The following GALNT1 variants were observed in gnomAD, a reference collection of about 807,000 sequenced individuals.
GALNT1 encodes GalNAc transferase 1.
In GALNT1, 17 loss-of-function variants were observed where a neutral mutation model predicts 65.7. That is an observed-to-expected ratio of 0.26 (90% CI 0.18 to 0.39). The LOEUF is 0.39. Ranked by LOEUF, GALNT1 falls within the 10% of genes least tolerant of loss-of-function variation. The pLI is 1.00. For synonymous variants in GALNT1, 210 were observed against 219.7 expected, an observed-to-expected ratio of 0.96 and a Z score of 0.39; for missense variants, 460 against 672.8, an observed-to-expected ratio of 0.68 and a Z score of 3.50.
intron 1 of GALNT1, among the ~76,000 whole-genome samples, chr18:35,646,480 T>C (rs2047232492): frequency 6.6e-6 from 1 of 152,228 alleles, no homozygotes; most frequent in South Asian, 2.1e-4. Flanking sequence ...CTCACTTTCA[T>C]GCCTGGCAGC....
chr18:35,639,421 G>A (rs568726174), intron 1 of GALNT1, among the ~76,000 whole-genome samples: 1 of 152,164 alleles, frequency 6.6e-6, no homozygotes, highest in South Asian at 2.1e-4. Flanking sequence ...AGACAATGCT[G>A]TTGCGTACAC....
chr18:35,597,937 T>C (rs2046525114), intron 1 of GALNT1, among the ~76,000 whole-genome samples: 1 of 151,460 alleles, frequency 6.6e-6, no homozygotes, highest in Non-Finnish European at 1.5e-5. Context: ...CAATATATCA[T>C]TGTTAACTAT....
At chr18:35,660,779 A>G (rs2047467871) in intron 2 of GALNT1, among the ~76,000 whole-genome samples, 1 of 152,220 alleles carries the variant, frequency 6.6e-6, no homozygotes, top group Non-Finnish European at 1.5e-5. Flanking sequence ...AATTAGTTTA[A>G]TAGTCCATTT....
chr18:35,655,713 A>G (rs2047376584), intron 2 of GALNT1, among the ~76,000 whole-genome samples: 1 of 152,016 alleles, frequency 6.6e-6, no homozygotes, highest in African/African-American at 2.4e-5. Context: ...TACTTTTATG[A>G]TGAGAAGGGC....
intron 1 of GALNT1, chr18:35,597,710 C>G (rs2046522719): frequency 6.6e-6 from 1 of 152,234 alleles, no homozygotes; most frequent in African/African-American, 2.4e-5. Flanking sequence ...TTAGTTAATA[C>G]TTTTAAATGA....
At chr18:35,656,298 G>T (rs796268316) in intron 2 of GALNT1, among the ~76,000 whole-genome samples, 2 of 152,266 alleles carry the variant, frequency 1.3e-5, no homozygotes, top group African/African-American at 4.8e-5. Context: ...TATGTGCTGG[G>T]CAAGGTACTA....
At chr18:35,669,625 T>C (rs1408446671) in intron 3 of GALNT1, among the ~76,000 whole-genome samples, 2 of 152,238 alleles carry the variant, frequency 1.3e-5, no homozygotes, top group African/African-American at 2.4e-5. Flanking sequence ...TGATAAAATT[T>C]GTCACTGTCA....
At chr18:35,603,223 T>C (rs1400946733) in intron 1 of GALNT1, among the ~76,000 whole-genome samples, 1 of 152,170 alleles carries the variant, frequency 6.6e-6, no homozygotes, top group African/African-American at 2.4e-5. Context: ...AAGCTGGCCT[T>C]TCACCTTGAC....
chr18:35,639,331 C>G (rs546141707), intron 1 of GALNT1, among the ~76,000 whole-genome samples: 2 of 152,178 alleles, frequency 1.3e-5, no homozygotes, highest in Non-Finnish European at 2.9e-5. Context: ...AAAAAAATTA[C>G]GATTCGCTGA....
chr18:35,694,066 G>C (rs2144679247), intron 9 of GALNT1, among the ~76,000 whole-genome samples: 1 of 152,310 alleles, frequency 6.6e-6, no homozygotes, highest in Non-Finnish European at 1.5e-5. Context: ...CAGAGAAATT[G>C]AGGAAGATGA....
At chr18:35,586,694 C>T (rs539228299) in intron 1 of GALNT1, among the ~76,000 whole-genome samples, 56 of 152,214 alleles carry the variant, frequency 3.7e-4, no homozygotes, top group Middle Eastern at 3.4e-3. Context: ...GTCATTCCTC[C>T]GTTGAATTGC....
chr18:35,595,526 A>G (rs999849599), intron 1 of GALNT1, among the ~76,000 whole-genome samples: 3 of 152,216 alleles, frequency 2.0e-5, no homozygotes, highest in Admixed American at 1.3e-4. Context: ...CCATAAACCT[A>G]TGGCAACAAG....
At chr18:35,609,867 A>T (rs1177649286) in intron 1 of GALNT1, among the ~76,000 whole-genome samples, 1 of 152,220 alleles carries the variant, frequency 6.6e-6, no homozygotes, top group Non-Finnish European at 1.5e-5. Flanking sequence ...TACTATTTAA[A>T]AATGAAGTTA....
At chr18:35,598,007 C>T (rs2046527226) in intron 1 of GALNT1, among the ~76,000 whole-genome samples, 1 of 77,266 alleles carries the variant, frequency 1.3e-5, no homozygotes, top group African/African-American at 4.6e-5. Flanking sequence ...CCCTCCCCTC[C>T]CCTCCCCTCC....
intron 1 of GALNT1, among the ~76,000 whole-genome samples, chr18:35,646,772 A>G (rs568509471): frequency 2.0e-5 from 3 of 152,364 alleles, no homozygotes; most frequent in Admixed American, 6.5e-5. Flanking sequence ...ACAGAGTAGC[A>G]TAAGTCAAGG....
At chr18:35,636,796 T>TTTTG (rs1568020899) in intron 1 of GALNT1, among the ~76,000 whole-genome samples, 3 of 149,388 alleles carry the variant, frequency 2.0e-5, no homozygotes, top group African/African-American at 7.4e-5. Flanking sequence ...TTTTTTTTTT[T>TTTTG]TTTTTTTTTT....
chr18:35,664,064 A>G (rs10502651), intron 3 of GALNT1: 26,289 of 399,332 alleles, frequency 0.066, 942 homozygotes, highest in Middle Eastern at 0.089. Flanking sequence ...TATTATTACC[A>G]AAATACTCAC....
At chr18:35,626,141 C>T (rs571576857) in intron 1 of GALNT1, among the ~76,000 whole-genome samples, 9 of 152,212 alleles carry the variant, frequency 5.9e-5, no homozygotes, top group South Asian at 2.1e-4. Flanking sequence ...CTTTTTTGTG[C>T]GCTATAGCCC....
At chr18:35,662,366 G>C (rs746253349) in intron 2 of GALNT1, among the ~76,000 whole-genome samples, 19 of 152,120 alleles carry the variant, frequency 1.2e-4, no homozygotes, top group Admixed American at 4.6e-4. Flanking sequence ...AATTTATCCT[G>C]AGAACAGGGG....
Sources: allele counts gnomAD v4.1 joint callset (sites outside exome capture counted in the v4.1 genomes callset), GRCh38; gene constraint gnomAD v4.1.1; transcripts MANE v1.5; gene names NCBI Gene and HGNC (gene_info 2026-07-23, HGNC 2026-07-21).